Variants in MAMDC2 observed in about 807,000 individuals in gnomAD.
MAMDC2 encodes the protein MAM domain-containing protein 2.
Under a neutral mutation model 89.8 loss-of-function variants are expected in MAMDC2, and 57 were observed. The observed-to-expected ratio is 0.63, with a 90% CI of 0.51 to 0.79. The LOEUF (loss-of-function observed/expected upper bound fraction) is 0.79, where lower values mean the gene tolerates loss of function less well. Among genes scored for constraint, MAMDC2 ranks in the 30% least tolerant of loss-of-function variants. The probability of loss-of-function intolerance (pLI) is 0.00; values close to 1 mark genes in which losing one functional copy is unlikely to be tolerated. For synonymous variants in MAMDC2, 313 were observed against 293.4 expected (o/e 1.07, Z -0.68); for missense variants, 800 against 820.6 (o/e 0.97, Z 0.31).
chr9:70,197,664 TA>T (rs2032999418), intron 11 of MAMDC2, among the ~76,000 whole-genome samples: 1 of 152,136 alleles, frequency 6.6e-6, no homozygotes, highest in South Asian at 2.1e-4. Context: ...TTTAATGAGT[TA>T]AAAAGAAAGA....
chr9:70,220,299 TA>T (rs1165163015), intron 12 of MAMDC2, among the ~76,000 whole-genome samples: 1 of 151,980 alleles, frequency 6.6e-6, no homozygotes, highest in Non-Finnish European at 1.5e-5. Context: ...GAGTACAGAG[TA>T]GTGTGGCATC....
intron 2 of MAMDC2, chr9:70,090,684 A>G (rs1197264970): frequency 6.6e-6 from 1 of 152,166 alleles, no homozygotes; most frequent in East Asian, 1.9e-4. Context: ...CAGGAATGAA[A>G]GTGTGGGAAC....
At chr9:70,204,777 G>A (rs1313337383) in intron 11 of MAMDC2, among the ~76,000 whole-genome samples, 1 of 152,008 alleles carries the variant, frequency 6.6e-6, no homozygotes, top group East Asian at 1.9e-4. Flanking sequence ...TTTTTAAGCC[G>A]GTCTGAAAAG....
chr9:70,127,911 A>C (rs1401200252), intron 6 of MAMDC2, among the ~76,000 whole-genome samples: 1 of 152,190 alleles, frequency 6.6e-6, no homozygotes, highest in Non-Finnish European at 1.5e-5. Context: ...TCTCTTTACC[A>C]ACTCCTTCCA....
intron 2 of MAMDC2, among the ~76,000 whole-genome samples, chr9:70,068,429 A>G (rs749806649): frequency 1.3e-5 from 2 of 152,118 alleles, no homozygotes; most frequent in Non-Finnish European, 2.9e-5. Context: ...ACTAAAAGCC[A>G]ATAGGGGGCC....
At chr9:70,127,691 CA>C (rs797014380) in intron 6 of MAMDC2, among the ~76,000 whole-genome samples, 13 of 143,366 alleles carry the variant, frequency 9.1e-5, no homozygotes, top group Admixed American at 4.2e-4. Context: ...CCTCCCCCCA[CA>C]AAAAAAAAAC....
chr9:70,182,490 T>C (rs986774475), intron 11 of MAMDC2, among the ~76,000 whole-genome samples: 2 of 151,594 alleles, frequency 1.3e-5, no homozygotes, highest in Non-Finnish European at 2.9e-5. Context: ...GGTCCTGGGC[T>C]TTTTTTGGTT....
intron 9 of MAMDC2, among the ~76,000 whole-genome samples, chr9:70,168,294 C>A (rs1002565678): frequency 2.0e-5 from 3 of 152,144 alleles, no homozygotes; most frequent in African/African-American, 4.8e-5. Context: ...GAGTTTGAGA[C>A]CAGCCTGGCC....
chr9:70,088,297 C>T (rs1827816616), intron 2 of MAMDC2: 3 of 152,046 alleles, frequency 2.0e-5, no homozygotes, highest in Admixed American at 1.3e-4. Context: ...GGGGGAAAAA[C>T]AAGATTGCTT....
chr9:70,058,865 A>G (rs1195734886), intron 2 of MAMDC2, among the ~76,000 whole-genome samples: 4 of 152,204 alleles, frequency 2.6e-5, no homozygotes, highest in Non-Finnish European at 2.9e-5. Context: ...TTTGAAATCC[A>G]TCATTTTCTT....
intron 2 of MAMDC2, among the ~76,000 whole-genome samples, chr9:70,045,725 C>A (rs1204551466): frequency 6.6e-6 from 1 of 152,166 alleles, no homozygotes; most frequent in Non-Finnish European, 1.5e-5. Flanking sequence ...TTCTCTGACC[C>A]TCACAGGTAG....
intron 11 of MAMDC2, among the ~76,000 whole-genome samples, chr9:70,197,969 G>A (rs549974316): frequency 2.9e-3 from 442 of 152,092 alleles, no homozygotes; most frequent in Middle Eastern, 0.017. Context: ...GTCAGCACAA[G>A]AATAGTGAGT....
chr9:70,209,533 G>C (rs531965169), intron 11 of MAMDC2, among the ~76,000 whole-genome samples: 102 of 70,326 alleles, frequency 1.5e-3, no homozygotes, highest in Non-Finnish European at 2.4e-3. Flanking sequence ...TTTTTTATTA[G>C]TCTGAGCGGT....
chr9:70,122,458 CAA>C (rs1173221125), intron 5 of MAMDC2, among the ~76,000 whole-genome samples: 1 of 152,186 alleles, frequency 6.6e-6, no homozygotes. Flanking sequence ...GAATTTACAA[CAA>C]GGCTGGCTGT....
chr9:70,109,586 A>G, intron 3 of MAMDC2, 134 bp from the exon 4 acceptor site: 2 of 685,334 alleles, frequency 2.9e-6, no homozygotes, highest in South Asian at 3.6e-5. Flanking sequence ...GGTATCCAAT[A>G]GCAATTAGCT....
intron 5 of MAMDC2, among the ~76,000 whole-genome samples, chr9:70,120,959 A>G (rs1350301969): frequency 6.6e-6 from 1 of 152,162 alleles, no homozygotes; most frequent in African/African-American, 2.4e-5. Flanking sequence ...TCCCTCTGGC[A>G]TACATCTCTT....
intron 12 of MAMDC2, among the ~76,000 whole-genome samples, chr9:70,221,376 T>TAGAGAG (rs1471293661): frequency 5.2e-4 from 3 of 5,792 alleles, no homozygotes; most frequent in African/African-American, 8.8e-4. Context: ...TATATATATA[T>TAGAGAG]ATATAGAGAG....
intron 11 of MAMDC2, among the ~76,000 whole-genome samples, chr9:70,183,960 A>G (rs2032697517): frequency 6.6e-6 from 1 of 152,142 alleles, no homozygotes; most frequent in South Asian, 2.1e-4. Context: ...TACTTGATGT[A>G]GTTTCTTCAT....
At chr9:70,080,979 C>T (rs952690713) in intron 2 of MAMDC2, among the ~76,000 whole-genome samples, 9 of 152,030 alleles carry the variant, frequency 5.9e-5, no homozygotes, top group African/African-American at 2.2e-4. Context: ...TGAGGTAGGC[C>T]CTTTGATGTG....
Sources: gnomAD v4.1 joint callset for allele counts (sites outside exome capture counted in the v4.1 genomes callset) on GRCh38, gnomAD v4.1.1 for gene constraint, MANE v1.5 for transcripts, NCBI Gene and HGNC (gene_info 2026-07-23, HGNC 2026-07-21) for gene names.